The following REDIC1 variants were observed in gnomAD, a reference collection of about 807,000 sequenced individuals.
REDIC1 encodes the protein HEI10 Interacting Protein 1.
the REDIC1 span, among the ~76,000 whole-genome samples, chr12:39,631,886 A>G: frequency 6.6e-6 from 1 of 151,936 alleles, no homozygotes; most frequent in African/African-American, 2.4e-5. Flanking sequence ...TCTGAAAACT[A>G]TGAGTAACAC....
At chr12:39,813,761 C>T in the REDIC1 span, among the ~76,000 whole-genome samples, 1 of 152,192 alleles carries the variant, frequency 6.6e-6, no homozygotes, top group South Asian at 2.1e-4. Context: ...CTACCATCTA[C>T]AATCTCAATG....
the REDIC1 span, among the ~76,000 whole-genome samples, chr12:39,715,124 T>G: frequency 6.6e-6 from 1 of 151,994 alleles, no homozygotes; most frequent in African/African-American, 2.4e-5. Flanking sequence ...TTCTTGGTCA[T>G]GAAATCCTTG....
At chr12:39,890,475 A>C in the REDIC1 span, among the ~76,000 whole-genome samples, 2 of 152,160 alleles carry the variant, frequency 1.3e-5, no homozygotes, top group Non-Finnish European at 2.9e-5. Flanking sequence ...TGAGACAGGG[A>C]GATTATTCTG....
the REDIC1 span, among the ~76,000 whole-genome samples, chr12:39,895,779 TGTATACGTACACACATGTATATGC>T: frequency 5.5e-5 from 5 of 91,658 alleles, 2 homozygotes; most frequent in East Asian, 6.3e-4. Flanking sequence ...TGTATATGCG[TGTATACGTACACACATGTATATGC>T]GTGTATACGT....
chr12:39,905,317 T>C, the REDIC1 span, among the ~76,000 whole-genome samples: 1 of 152,122 alleles, frequency 6.6e-6, no homozygotes, highest in Non-Finnish European at 1.5e-5. Context: ...CCAGATGTAA[T>C]CTGCTCATAA....
At chr12:39,884,173 T>TA in the REDIC1 span, among the ~76,000 whole-genome samples, 2 of 152,156 alleles carry the variant, frequency 1.3e-5, no homozygotes, top group African/African-American at 2.4e-5. Flanking sequence ...CTCACTATGT[T>TA]GCTCAGGCTG....
the REDIC1 span, among the ~76,000 whole-genome samples, chr12:39,857,483 G>T: frequency 6.6e-6 from 1 of 152,036 alleles, no homozygotes; most frequent in African/African-American, 2.4e-5. Context: ...AAAATATCTC[G>T]TTTCTCTATA....
chr12:39,876,964 G>A, the REDIC1 span, among the ~76,000 whole-genome samples: 3 of 152,106 alleles, frequency 2.0e-5, no homozygotes, highest in Admixed American at 6.5e-5. Context: ...CATTATCTAA[G>A]TTATGTTCTT....
chr12:39,896,188 ATATATGTG>A, the REDIC1 span, among the ~76,000 whole-genome samples: 512 of 148,238 alleles, frequency 3.5e-3, 3 homozygotes, highest in Middle Eastern at 0.016. Context: ...GTATATATGT[ATATATGTG>A]TATGTATACA....
the REDIC1 span, chr12:39,646,391 C>T: frequency 6.8e-7 from 1 of 1,462,792 alleles, no homozygotes; most frequent in Non-Finnish European, 9.1e-7. Context: ...CCTAAGAAAG[C>T]ATAATTTAGA....
At chr12:39,764,992 G>A in the REDIC1 span, 1 of 1,019,284 alleles carries the variant, frequency 9.8e-7, no homozygotes, top group East Asian at 2.7e-5. Context: ...TAAAAAATAA[G>A]AACTAAATAT....
chr12:39,765,955 A>G, the REDIC1 span, among the ~76,000 whole-genome samples: 1 of 151,926 alleles, frequency 6.6e-6, no homozygotes, highest in Admixed American at 6.6e-5. Context: ...TCAGCTCCCA[A>G]TTATATGTGA....
chr12:39,652,479 A>G, the REDIC1 span, among the ~76,000 whole-genome samples: 1 of 152,134 alleles, frequency 6.6e-6, no homozygotes, highest in African/African-American at 2.4e-5. Flanking sequence ...TTCTCTAATG[A>G]CTAATGATTT....
At chr12:39,653,492 G>GTCGTCTTCTTCT in the REDIC1 span, among the ~76,000 whole-genome samples, 3 of 54,288 alleles carry the variant, frequency 5.5e-5, no homozygotes, top group African/African-American at 1.7e-4. Flanking sequence ...CAATCTGGAT[G>GTCGTCTTCTTCT]TCTTCTTCTT....
At chr12:39,797,760 A>G in the REDIC1 span, among the ~76,000 whole-genome samples, 2 of 152,090 alleles carry the variant, frequency 1.3e-5, no homozygotes, top group South Asian at 2.1e-4. Flanking sequence ...ACACACACAC[A>G]CACACACACA....
chr12:39,864,864 A>G, the REDIC1 span: 2 of 1,613,754 alleles, frequency 1.2e-6, no homozygotes, highest in Non-Finnish European at 8.5e-7. Flanking sequence ...GGCAAGAATA[A>G]TGAGTGCTAC....
chr12:39,702,676 A>C, the REDIC1 span, among the ~76,000 whole-genome samples: 2 of 152,210 alleles, frequency 1.3e-5, no homozygotes, highest in Non-Finnish European at 2.9e-5. Context: ...ATTGATGCAA[A>C]AATCCTCAAT....
the REDIC1 span, among the ~76,000 whole-genome samples, chr12:39,724,919 G>GGA: frequency 2.0e-5 from 3 of 151,630 alleles, no homozygotes; most frequent in Admixed American, 6.6e-5. Context: ...CAACAGTATA[G>GGA]GAGAGAGAGA....
chr12:39,835,788 G>T, the REDIC1 span: 29 of 152,104 alleles, frequency 1.9e-4, no homozygotes, highest in African/African-American at 6.5e-4. Flanking sequence ...AGGCATTCTT[G>T]TAGGTTCATA....
Sources: allele counts gnomAD v4.1 joint callset (sites outside exome capture counted in the v4.1 genomes callset), GRCh38; gene constraint gnomAD v4.1.1; transcripts MANE v1.5; gene names NCBI Gene and HGNC (gene_info 2026-07-23, HGNC 2026-07-21).